Variants in DENND1C observed in about 807,000 individuals in gnomAD.
The protein encoded by DENND1C is DENN domain containing 1C, also known as DENN domain-containing protein 1C.
DENND1C carries 64 observed loss-of-function variants against 87.9 expected under a neutral mutation model. The observed-to-expected ratio is 0.73, with a 90% CI of 0.60 to 0.90. DENND1C has a LOEUF of 0.90. Among genes scored for constraint, DENND1C ranks in the 40% least tolerant of loss-of-function variants. The pLI is 0.00. For synonymous variants in DENND1C, 384 were observed against 424.4 expected (o/e 0.90, Z 1.17); for missense variants, 980 against 1,037.0 (o/e 0.95, Z 0.76).
Position 6,478,930 on chromosome 19 carries a change from C to G in DENND1C, c.296+7G>C, listed in dbSNP as rs2092879491. On this transcript the variant is annotated splice_region_variant and intron_variant, in intron 5 of 22. Coordinates refer to ENST00000381480, the MANE Select transcript of DENND1C (RefSeq NM_024898.4). The stretch of plus-strand genomic sequence containing the variant: ...CCATCCCCCCCTCCAACCCCCATAT[C>G]CCGCACCTGAGGATGCAGAGACAGC... 1 of 1,613,804 alleles carries G rather than the reference C, an allele frequency of 6.2e-7. No homozygotes were observed. Among genetic ancestry groups the G allele is most frequent in the African/African-American group, 1.3e-5 (1 of 74,922 alleles).
chr19:6,478,224 A>G (rs10415417), intron 6 of DENND1C, among the ~76,000 whole-genome samples: 22,795 of 151,776 alleles, frequency 0.15, 2,588 homozygotes, highest in African/African-American at 0.32. Context: ...ACAGGTGTGC[A>G]CCACCACGCC....
rs150607955 is a variant in DENND1C at position 6,471,126 on chromosome 19, A to G, written c.1290+139T>C. 1,068 of 1,161,790 alleles carry G rather than the reference A, an allele frequency of 9.2e-4. 11 individuals are homozygous for G. In the African/African-American group the frequency reaches 0.014, roughly 15 times the overall value. 72.0% of individuals were successfully genotyped at this position (1,161,790 alleles called of 1,614,324 possible). A position where few individuals can be genotyped will look rare whatever the true frequency, so the allele number is the denominator to read the frequency against. On this transcript the variant is annotated intron_variant, in intron 17 of 22. Coordinates refer to ENST00000381480, the MANE Select transcript of DENND1C (RefSeq NM_024898.4). Reference sequence around the variant, plus strand: ...ACACCTAGCGAATTTTTTTTTTTTCAGTAGAGATGGGGTTTCGTCACGTTG... The same window carrying G: ...ACACCTAGCGAATTTTTTTTTTTTCGGTAGAGATGGGGTTTCGTCACGTTG...
At position 6,467,718 on chromosome 19, in the gene DENND1C, G is replaced by A. The variant is rs199864135; in HGVS notation, c.2192C>T (p.Thr731Met). 50 of 1,521,104 alleles carry A rather than the reference G, an allele frequency of 3.3e-5. No homozygotes were observed. The East Asian group carries it at 9.1e-4, about 28-fold the overall frequency. The allele number at this position is 1,521,104 out of a possible 1,614,324, so 94.2% of individuals were successfully genotyped here. ...PTKPNFDIAWTSQPLDPSSDP... is the reference protein window; with the variant it reads ...PTKPNFDIAWMSQPLDPSSDP... The stretch of plus-strand genomic sequence containing the variant: ...TGAGGAAGGATCAAGGGGCTGGGAC[G>A]TCCAGGCTATATCAAAGTTGGGCTT... The change falls in exon 23 of 23, where the codon ACG becomes ATG. Residue 731 changes from threonine to methionine, a missense_variant. By Grantham distance (81) the Thr-to-Met change is moderately conservative. Transcript: ENST00000381480.
rs200276873 is a variant in DENND1C at position 6,468,273 on chromosome 19, G to A, written c.1752C>T (p.Asp584=). ...TGTCCAGGTCTCCTCTGTGACAGCA[G>A]TCTAAACTCTGGCTCGGTCTCAGGC... ...AGSLRPSQSL[D]CCHRGDLDSC... is the part of the protein sequence containing the mutation. The change falls in exon 22 of 23, where the codon GAC becomes GAT. Residue 584 remains aspartate (D), a synonymous_variant. Transcript: ENST00000381480. 1 of 1,613,586 alleles carries A rather than the reference G, an allele frequency of 6.2e-7. No homozygotes were observed. The highest frequency in any genetic ancestry group is 1.3e-5 in the African/African-American group (1 of 74,902).
At chr19:6,475,615 G>T in intron 12 of DENND1C, 30 bp from the exon 13 acceptor site, 2 of 1,613,890 alleles carry the variant, frequency 1.2e-6, no homozygotes, top group East Asian at 2.2e-5. Context: ...GCCGCTCAGA[G>T]CCCGGGAGTC....
Position 6,468,620 on chromosome 19 carries a change from C to G in DENND1C, c.1541G>C (p.Arg514Thr). Reference protein sequence around the residue: ...GKNRPLRPSRRRQLEEGTSEP... With the variant: ...GKNRPLRPSRTRQLEEGTSEP... ...GGAAGTTCCCTCTTCCAGCTGGCGTCTCCTGCTGGGGCGAAGGGGCCGGTT... is the reference window on the plus strand; with the variant it reads ...GGAAGTTCCCTCTTCCAGCTGGCGTGTCCTGCTGGGGCGAAGGGGCCGGTT... The change falls in exon 21 of 23, where the codon AGA becomes ACA. Residue 514 changes from arginine (R) to threonine (T), a missense_variant. Coordinates refer to ENST00000381480, the MANE Select transcript of DENND1C (RefSeq NM_024898.4). 1 of 1,503,526 alleles carries G rather than the reference C, an allele frequency of 6.7e-7. No homozygotes were observed. The highest frequency in any genetic ancestry group is 1.4e-5 in the African/African-American group (1 of 71,458). 93.1% of individuals were successfully genotyped at this position (1,503,526 alleles called of 1,614,324 possible). A position where few individuals can be genotyped will look rare whatever the true frequency, so the allele number is the denominator to read the frequency against.
intron 10 of DENND1C, chr19:6,476,600 T>C: frequency 2.1e-6 from 1 of 470,188 alleles, no homozygotes; most frequent in Non-Finnish European, 3.8e-6. Context: ...TCCGGAGGGG[T>C]GGAGCCAGAC....
intron 6 of DENND1C, 159 bp from the exon 7 acceptor site, chr19:6,477,617 A>AATAATAATAATG (rs1175707858): frequency 4.3e-6 from 1 of 232,316 alleles, no homozygotes; most frequent in Non-Finnish European, 8.1e-6. Context: ...TAATAATAAT[A>AATAATAATAATG]ATAATAATAA....
intron 17 of DENND1C, 84 bp downstream of exon 17, chr19:6,471,181 G>GCAATC (rs2092826957): frequency 6.5e-7 from 1 of 1,530,164 alleles, no homozygotes; most frequent in Non-Finnish European, 8.8e-7. Context: ...TCTGGTCGCA[G>GCAATC]CAATCCTTCT....
chr19:6,475,238 C>G (rs1435455872), intron 14 of DENND1C, 36 bp downstream of exon 14: 1 of 1,610,394 alleles, frequency 6.2e-7, no homozygotes, highest in East Asian at 2.2e-5. Context: ...ATTCAGGAAC[C>G]CACGAGACCT....
intron 17 of DENND1C, among the ~76,000 whole-genome samples, 180 bp from the exon 18 acceptor site, chr19:6,470,546 A>G (rs535093980): frequency 4.0e-5 from 6 of 151,700 alleles, no homozygotes; most frequent in East Asian, 1.9e-4. Context: ...AATTAATCCA[A>G]TGAGACACAC....
chr19:6,478,298 C>T (rs1265095655), intron 6 of DENND1C, among the ~76,000 whole-genome samples: 1 of 152,146 alleles, frequency 6.6e-6, no homozygotes, highest in Non-Finnish European at 1.5e-5. Flanking sequence ...AGCTGGAGTG[C>T]AATGGCGCGA....
chr19:6,469,581 G>A lies in DENND1C; in HGVS notation c.1407+15C>T, dbSNP rs1214551182. 2.5e-6 allele frequency: 4 copies of A among 1,600,362 alleles called. No individual in the cohort carries two copies. Among genetic ancestry groups the A allele is most frequent in the Admixed American group, 1.7e-5 (1 of 58,202 alleles). On this transcript the variant is annotated intron_variant, in intron 19 of 22. Coordinates refer to ENST00000381480, the MANE Select transcript of DENND1C (RefSeq NM_024898.4). ...TTACAGGGGTGAGCCACTGCACCCG[G>A]CCAGTTGATCTTACCTTATACATTA...
rs1331301846 is a variant in DENND1C, at chr19:6,477,109, G to A, written c.532C>T (p.Pro178Ser). The A allele has an allele frequency of 1.2e-6, 2 of 1,606,090 alleles. No homozygotes were observed. Among genetic ancestry groups the A allele is most frequent in the Non-Finnish European group, 1.7e-6 (2 of 1,176,174 alleles). The change falls in exon 9 of 23, where the codon CCG (proline) becomes TCG (serine). Residue 178 changes from proline to serine, a missense_variant. By Grantham distance (74) the Pro-to-Ser change is moderately conservative (BLOSUM62 -1). Transcript: ENST00000381480. ...NSKPLSCFVAPDSGRLPSIPE... is the reference protein window; with the variant it reads ...NSKPLSCFVASDSGRLPSIPE... The stretch of plus-strand genomic sequence containing the variant: ...ATGGATGGCAGGCGGCCGGAGTCCG[G>A]GGCCACGAAGCAGGAAAGCTGGTGG...
rs1328802103 is a variant in DENND1C at position 6,468,436 on chromosome 19, G to C, written c.1589C>G (p.Pro530Arg). 6.2e-7 allele frequency: 1 copy of C among 1,611,406 alleles called. No homozygotes were observed. The highest frequency in any genetic ancestry group is 1.3e-5 in the African/African-American group (1 of 74,888). ...CCCCTCATCCTCAGGGCTCAGTGGG[G>C]GTGTCCTGGGTGAGGATGGGCAGCC... ...GTSEPPGAGT[P>R]PLSPEDEGCP... The change falls in exon 22 of 23, where the codon CCC (proline) becomes CGC (arginine). Residue 530 changes from proline to arginine, a missense_variant. Pro to Arg is a moderately radical substitution (Grantham distance 103). Coordinates refer to ENST00000381480, the MANE Select transcript of DENND1C (RefSeq NM_024898.4).
At chr19:6,468,532 G>A in intron 21 of DENND1C, 46 bp downstream of exon 21, 1 of 1,556,786 alleles carries the variant, frequency 6.4e-7, no homozygotes, top group Non-Finnish European at 8.7e-7. Flanking sequence ...CTCCCCATCA[G>A]TCCTGGCCTC....
intron 15 of DENND1C, among the ~76,000 whole-genome samples, chr19:6,472,302 G>A (rs112430991): frequency 3.3e-5 from 5 of 152,180 alleles, no homozygotes; most frequent in Middle Eastern, 3.4e-3. Context: ...AGGGACCTGC[G>A]AATTTGGTCC....
In DENND1C at chr19:6,479,297, A is replaced by G. The variant is rs568872467; in HGVS notation, c.177-241T>C. ...GGTTTCTGGATCTCTGGGTCCTTGA[A>G]TCCCTAAGTCCCTGGGTTCCTCAGT... On this transcript the variant is annotated intron_variant, in intron 4 of 22. Transcript: ENST00000381480. 2.4e-3 allele frequency among the ~76,000 whole-genome samples: 330 copies of G among 136,160 alleles called. 2 individuals carry two copies. The highest frequency in any genetic ancestry group is 0.01 in the African/African-American group (314 of 31,154). The allele number at this position is 136,160 out of a possible 152,430, so 89.3% of individuals were successfully genotyped here. A position where few individuals can be genotyped will look rare whatever the true frequency, so the allele number is the denominator to read the frequency against.
rs1289859408 is a variant in DENND1C, at chr19:6,478,774, T to G, written c.366+9A>C. The G allele has an allele frequency of 6.2e-7, 1 of 1,609,964 alleles. No homozygotes were observed. Among genetic ancestry groups the G allele is most frequent in the Non-Finnish European group, 8.5e-7 (1 of 1,178,258 alleles). ...ACTCCCACAGGAGTGAGAGAGGGGC[T>G]GGTCTCACTTGGTCCTGGGCTAGGA... is the stretch of plus-strand genomic sequence containing the variant. On this transcript the variant is annotated intron_variant, in intron 6 of 22. Transcript: ENST00000381480.
Sources: gnomAD v4.1 joint callset for allele counts (sites outside exome capture counted in the v4.1 genomes callset) on GRCh38, gnomAD v4.1.1 for gene constraint, MANE v1.5 for transcripts, NCBI Gene and HGNC (gene_info 2026-07-23, HGNC 2026-07-21) for gene names.